Variants in CABP5 observed in about 807,000 individuals in gnomAD.
CABP5 encodes the protein calcium binding protein 5, also known as calcium-binding protein 5.
CABP5 carries 17 observed loss-of-function variants against 21.9 expected under a neutral mutation model. The observed-to-expected ratio is 0.78, with a 90% CI of 0.53 to 1.17. The LOEUF (loss-of-function observed/expected upper bound fraction) is 1.17, where lower values mean the gene tolerates loss of function less well. CABP5 is among the 50% of genes most tolerant of loss of function. The probability of loss-of-function intolerance (pLI) is 0.00; values close to 1 mark genes in which losing one functional copy is unlikely to be tolerated. For missense variants in CABP5, 229 were observed against 228.9 expected (o/e 1.00, Z 0.00); for synonymous variants, 85 against 79.4 (o/e 1.07, Z -0.37).
At position 48,040,713 on chromosome 19, in the gene CABP5, G is replaced by A. The variant is rs750592102; in HGVS notation, c.130C>T (p.Arg44Ter). 1.1e-5 allele frequency: 18 copies of A among 1,613,798 alleles called. No homozygotes were observed. In the Middle Eastern group the frequency reaches 6.6e-4, roughly 59 times the overall value. ...TCCTTACAAGAGATGAACCCATCTCGGTCCTTATCGAACTCAAGAAATGCT... is the reference window on the plus strand; with the variant it reads ...TCCTTACAAGAGATGAACCCATCTCAGTCCTTATCGAACTCAAGAAATGCT... ...REAFLEFDKDRDGFISCKDLG... is the reference protein window; with the variant it reads ...REAFLEFDKD Residue 44 changes from arginine to a stop codon, truncating the protein, a stop_gained, in exon 3 of 6, where the codon CGA becomes TGA. Coordinates refer to ENST00000293255, the MANE Select transcript of CABP5 (RefSeq NM_019855.5). LOFTEE classifies it high-confidence loss of function.
intron 4 of CABP5, among the ~76,000 whole-genome samples, chr19:48,037,258 G>GTTTTT (rs1415624974): frequency 5.4e-4 from 14 of 25,772 alleles, no homozygotes; most frequent in Admixed American, 2.2e-3. Flanking sequence ...ATACTATTCA[G>GTTTTT]CTTTTTTTTT....
At chr19:48,037,371 C>T (rs11672898) in intron 4 of CABP5, among the ~76,000 whole-genome samples, 45,201 of 147,718 alleles carry the variant, frequency 0.31, 7,726 homozygotes, top group Non-Finnish European at 0.39. Context: ...CGGGTTCAAG[C>T]GATTCTTCTG....
chr19:48,035,995 C>A lies in CABP5; in HGVS notation c.349-1633G>T, dbSNP rs574218645. On this transcript the variant is annotated intron_variant, in intron 4 of 5. Coordinates refer to ENST00000293255, the MANE Select transcript of CABP5 (RefSeq NM_019855.5). ...ACCACAGTAGGACCACGATGGGAGC[C>A]AGGAAACCAATTAGAGGGCCGCCAT... 2.4e-3 allele frequency among the ~76,000 whole-genome samples: 365 copies of A among 152,180 alleles called. 2 individuals carry two copies. Among genetic ancestry groups the A allele is most frequent in the African/African-American group, 8.4e-3 (350 of 41,528 alleles).
chr19:48,030,650 G>A, intron 5 of CABP5, 68 bp from the exon 6 acceptor site: 1 of 1,526,354 alleles, frequency 6.6e-7, no homozygotes, highest in Non-Finnish European at 9.0e-7. Flanking sequence ...TATTTTTTGA[G>A]CCCTTCCTAT....
intron 5 of CABP5, 62 bp downstream of exon 5, chr19:48,034,153 G>A (rs1967376368): frequency 7.0e-7 from 1 of 1,438,382 alleles, no homozygotes; most frequent in South Asian, 1.5e-5. Context: ...ATCTGACAGT[G>A]AGTTGGAAGT....
chr19:48,038,052 T>C (rs539786455), intron 4 of CABP5, among the ~76,000 whole-genome samples: 1 of 152,164 alleles, frequency 6.6e-6, no homozygotes, highest in African/African-American at 2.4e-5. Flanking sequence ...TAGCTGGGAT[T>C]ACAGGCGCCC....
At chr19:48,041,688 C>A (rs1967483833) in intron 1 of CABP5, 85 bp from the exon 2 acceptor site, 2 of 1,277,866 alleles carry the variant, frequency 1.6e-6, no homozygotes, top group South Asian at 1.3e-5. Context: ...AAGCTCCTCC[C>A]CACGCTCTCG....
In CABP5 at chr19:48,029,822, G is replaced by GAGAGAA. The variant is rs1555737211; in HGVS notation, c.*734_*735insTTCTCT. On this transcript the variant is annotated 3_prime_UTR_variant, in exon 6 of 6. Coordinates refer to ENST00000293255, the MANE Select transcript of CABP5 (RefSeq NM_019855.5). ...ACAGAGAGAGAGAGAGAGAGAGAGA[G>GAGAGAA]AGAGAGAGAGAGAGAAACCAGACAG... 2 of 151,532 alleles carry GAGAGAA rather than the reference G, an allele frequency of 1.3e-5. No homozygotes were observed. The highest frequency in any genetic ancestry group is 4.9e-5 in the African/African-American group (2 of 41,082). 9.4% of individuals were successfully genotyped at this position (151,532 alleles called of 1,614,324 possible). A position where few individuals can be genotyped will look rare whatever the true frequency, so the allele number is the denominator to read the frequency against.
At chr19:48,039,348 C>G (rs1388470230) in intron 3 of CABP5, 31 bp from the exon 4 acceptor site, 6 of 1,548,188 alleles carry the variant, frequency 3.9e-6, no homozygotes, top group Non-Finnish European at 5.4e-6. Context: ...TTAGCGAGAC[C>G]CCACAAGCCC....
chr19:48,031,232 T>G (rs1436712500), intron 5 of CABP5, among the ~76,000 whole-genome samples: 1 of 152,104 alleles, frequency 6.6e-6, no homozygotes, highest in African/African-American at 2.4e-5. Flanking sequence ...CAAAACAGAT[T>G]AAGTATCCCA....
chr19:48,038,460 C>T (rs549775019), intron 4 of CABP5, among the ~76,000 whole-genome samples: 1 of 152,178 alleles, frequency 6.6e-6, no homozygotes, highest in African/African-American at 2.4e-5. Context: ...GCAAGTGGTT[C>T]GTACCAGATG....
chr19:48,043,768 G>T, intron 1 of CABP5, 92 bp downstream of exon 1: 1 of 1,095,434 alleles, frequency 9.1e-7, no homozygotes, highest in Non-Finnish European at 1.2e-6. Flanking sequence ...CTGTTCCCCT[G>T]GTTCTGTGGC....
At chr19:48,033,343 G>C (rs62129113) in intron 5 of CABP5, among the ~76,000 whole-genome samples, 46,318 of 152,006 alleles carry the variant, frequency 0.3, 7,924 homozygotes, top group Non-Finnish European at 0.39. Flanking sequence ...AGAACCCCAC[G>C]TCTCATCCAT....
At chr19:48,035,303 T>A (rs1185524926) in intron 4 of CABP5, among the ~76,000 whole-genome samples, 2 of 152,186 alleles carry the variant, frequency 1.3e-5, no homozygotes, top group African/African-American at 4.8e-5. Context: ...TCCTTCTTTT[T>A]AAAAGCTGAA....
chr19:48,043,999 T>A lies in CABP5; in HGVS notation c.-77A>T. On this transcript the variant is annotated 5_prime_UTR_variant, in exon 1 of 6. Coordinates refer to ENST00000293255, the MANE Select transcript of CABP5 (RefSeq NM_019855.5). Reference sequence around the variant, plus strand: ...CCCTGCTCCCTGTCGGAGCTCAGCCTCCTTATCTTCTCCAGCACTCCTTTG... The same window carrying A: ...CCCTGCTCCCTGTCGGAGCTCAGCCACCTTATCTTCTCCAGCACTCCTTTG... 3.9e-6 allele frequency: 5 copies of A among 1,281,898 alleles called. No homozygotes were observed. The South Asian group carries it at 7.4e-5, about 19-fold the overall frequency. The allele number at this position is 1,281,898 out of a possible 1,614,324, so 79.4% of individuals were successfully genotyped here.
At chr19:48,037,068 T>G (rs183964057) in intron 4 of CABP5, among the ~76,000 whole-genome samples, 1 of 152,242 alleles carries the variant, frequency 6.6e-6, no homozygotes, top group Admixed American at 6.6e-5. Flanking sequence ...AGCTGCCATA[T>G]GACCCAGCAA....
chr19:48,043,910 T>C lies in CABP5; in HGVS notation c.13A>G (p.Met5Val). MQFP[M>V]GPACIFLRKG... ...CTCAAGAAGATGCAGGCGGGGCCCATGGGGAACTGCATGGAGGGGTGGGGT... is the reference window on the plus strand; with the variant it reads ...CTCAAGAAGATGCAGGCGGGGCCCACGGGGAACTGCATGGAGGGGTGGGGT... Residue 5 changes from methionine to valine, a missense_variant, in exon 1 of 6, where the codon ATG (methionine) becomes GTG (valine). Coordinates refer to ENST00000293255, the MANE Select transcript of CABP5 (RefSeq NM_019855.5). 3 of 1,501,240 alleles carry C rather than the reference T, an allele frequency of 2.0e-6. No homozygotes were observed. In the South Asian group the frequency reaches 3.9e-5, roughly 20 times the overall value. 93.0% of individuals were successfully genotyped at this position (1,501,240 alleles called of 1,614,324 possible).
At chr19:48,038,710 C>A (rs759009631) in intron 4 of CABP5, among the ~76,000 whole-genome samples, 12 of 151,962 alleles carry the variant, frequency 7.9e-5, no homozygotes, top group Non-Finnish European at 1.5e-4. Flanking sequence ...ACCTGTAATC[C>A]CAGTTACTTA....
intron 5 of CABP5, among the ~76,000 whole-genome samples, chr19:48,032,208 A>G (rs998089502): frequency 6.6e-6 from 1 of 152,158 alleles, no homozygotes; most frequent in African/African-American, 2.4e-5. Flanking sequence ...GTTGGAGAAC[A>G]TAAAGCAGGC....
Sources: allele counts gnomAD v4.1 joint callset (sites outside exome capture counted in the v4.1 genomes callset), GRCh38; gene constraint gnomAD v4.1.1; transcripts MANE v1.5; gene names NCBI Gene and HGNC (gene_info 2026-07-23, HGNC 2026-07-21).